The following ADAMTSL1 variants were observed in gnomAD, a reference collection of about 807,000 sequenced individuals.
The protein encoded by ADAMTSL1 is ADAMTS-like protein 1.
ADAMTSL1 carries 126 observed loss-of-function variants against 201.8 expected under a neutral mutation model. The observed-to-expected ratio is 0.62, with a 90% CI of 0.54 to 0.72. The LOEUF (loss-of-function observed/expected upper bound fraction) is 0.72. Ranked by LOEUF, ADAMTSL1 falls within the 30% of genes least tolerant of loss-of-function variation. ADAMTSL1 has a pLI of 0.00. For synonymous variants in ADAMTSL1, 1,121 were observed against 903.4 expected, an observed-to-expected ratio of 1.24 and a Z score of -4.32; for missense variants, 2,679 against 2,277.8, an observed-to-expected ratio of 1.18 and a Z score of -3.59.
At chr9:18,707,369 A>C (rs1204426489) in intron 14 of ADAMTSL1, among the ~76,000 whole-genome samples, 2 of 152,212 alleles carry the variant, frequency 1.3e-5, no homozygotes, top group East Asian at 3.9e-4. Flanking sequence ...CGTGCTCTCA[A>C]CATTGTTTTT....
In ADAMTSL1 at chr9:18,121,792, T is replaced by C. The variant is rs139559381; in HGVS notation, c.88-42070T>C. Reference sequence around the variant, plus strand: ...CATGCAAACAGAAATTCTGAAATTGTGGTGAGTTTCCTGGTGACCATTTCT... The same window carrying C: ...CATGCAAACAGAAATTCTGAAATTGCGGTGAGTTTCCTGGTGACCATTTCT... On this transcript the variant is annotated intron_variant, in intron 1 of 29. Transcript: ENST00000680146. 3.6e-3 allele frequency among the ~76,000 whole-genome samples: 542 copies of C among 152,302 alleles called. 4 individuals are homozygous for C. Among genetic ancestry groups the C allele is most frequent in the African/African-American group, 0.012 (517 of 41,582 alleles).
In ADAMTSL1 at chr9:18,753,370, C is replaced by A; in HGVS notation, c.2079C>A (p.Cys693Ter). 1 of 1,612,392 alleles carries A rather than the reference C, an allele frequency of 6.2e-7. No homozygotes were observed. Among genetic ancestry groups the A allele is most frequent in the South Asian group, 1.1e-5 (1 of 90,508 alleles). ...GCCTACAGACCAGAGACGTCTTCTG[C>A]AGCCACCTGCTTTCCAGAGAGATGA... ...GVGLQTRDVFCSHLLSREMNE... is the reference protein window; with the variant it reads ...GVGLQTRDVF The change falls in exon 16 of 29, where the codon TGC becomes TGA. Residue 693 changes from cysteine to a stop codon, truncating the protein, a stop_gained. Transcript: ENST00000380548. LOFTEE classifies it high-confidence loss of function.
At chr9:18,121,487 A>C (rs1825494463) in intron 1 of ADAMTSL1, among the ~76,000 whole-genome samples, 1 of 152,216 alleles carries the variant, frequency 6.6e-6, no homozygotes, top group Non-Finnish European at 1.5e-5. Flanking sequence ...TTATTAAACA[A>C]GCCATCGAAA....
intron 23 of ADAMTSL1, among the ~76,000 whole-genome samples, chr9:18,866,458 G>C (rs1286035471): frequency 6.6e-6 from 1 of 152,190 alleles, no homozygotes; most frequent in Non-Finnish European, 1.5e-5. Flanking sequence ...ACAGATTAGT[G>C]ACAGAAAAGG....
At chr9:18,854,013 T>G (rs568444569) in intron 23 of ADAMTSL1, among the ~76,000 whole-genome samples, 1 of 152,156 alleles carries the variant, frequency 6.6e-6, no homozygotes, top group African/African-American at 2.4e-5. Flanking sequence ...GTGGGGGGGT[T>G]GTAATCTTTC....
chr9:18,433,079 C>G (rs568196462), intron 2 of ADAMTSL1, among the ~76,000 whole-genome samples: 1 of 151,868 alleles, frequency 6.6e-6, no homozygotes, highest in Non-Finnish European at 1.5e-5. Flanking sequence ...CCAACAAAAC[C>G]TCCTGTTTGT....
At chr9:18,055,363 T>C (rs1195543888) in intron 1 of ADAMTSL1, among the ~76,000 whole-genome samples, 1 of 152,178 alleles carries the variant, frequency 6.6e-6, no homozygotes, top group Non-Finnish European at 1.5e-5. Context: ...TTCCTCCATG[T>C]GGTAAATGCT....
At chr9:17,906,670 C>T (rs925389348) in exon 1 of ADAMTSL1, 1 of 152,390 alleles carries the variant, frequency 6.6e-6, no homozygotes, top group South Asian at 2.1e-4. Context: ...CACTGAAGCT[C>T]CAAAGCCGCG....
intron 14 of ADAMTSL1, among the ~76,000 whole-genome samples, chr9:18,714,756 G>C (rs1832815446): frequency 6.6e-6 from 1 of 152,062 alleles, no homozygotes; most frequent in South Asian, 2.1e-4. Flanking sequence ...GATGAGGCCA[G>C]TATCATACTG....
At chr9:18,255,253 T>A (rs573331834) in intron 2 of ADAMTSL1, among the ~76,000 whole-genome samples, 1 of 152,216 alleles carries the variant, frequency 6.6e-6, no homozygotes, top group South Asian at 2.1e-4. Context: ...CAGAAACCAC[T>A]AGGGGGCGCT....
chr9:18,722,202 G>A (rs1222893980), intron 15 of ADAMTSL1, among the ~76,000 whole-genome samples: 1 of 152,162 alleles, frequency 6.6e-6, no homozygotes, highest in Non-Finnish European at 1.5e-5. Flanking sequence ...AGCCCTGCCT[G>A]GGTCTCATTA....
intron 2 of ADAMTSL1, among the ~76,000 whole-genome samples, chr9:18,182,738 T>G (rs865882645): frequency 6.6e-6 from 1 of 152,180 alleles, no homozygotes; most frequent in Non-Finnish European, 1.5e-5. Context: ...AATAATCTTA[T>G]GAGAAAACTG....
chr9:18,465,489 C>A (rs781349043), intron 2 of ADAMTSL1, among the ~76,000 whole-genome samples: 22 of 152,130 alleles, frequency 1.4e-4, no homozygotes, highest in Non-Finnish European at 2.8e-4. Flanking sequence ...GCCTTCACAT[C>A]ATCATTTCAG....
At chr9:17,970,994 T>G (rs1004188965) in intron 1 of ADAMTSL1, among the ~76,000 whole-genome samples, 3 of 152,060 alleles carry the variant, frequency 2.0e-5, no homozygotes, top group Non-Finnish European at 4.4e-5. Context: ...TCTATATACA[T>G]TTGCTGTGTA....
intron 2 of ADAMTSL1, among the ~76,000 whole-genome samples, chr9:18,281,761 G>T (rs576893461): frequency 1.6e-4 from 25 of 152,136 alleles, no homozygotes; most frequent in Non-Finnish European, 2.8e-4. Flanking sequence ...TCCACAGCAG[G>T]GTCTTCCTGT....
chr9:18,526,290 C>G (rs540831811), intron 2 of ADAMTSL1, among the ~76,000 whole-genome samples: 1 of 152,230 alleles, frequency 6.6e-6, no homozygotes, highest in Non-Finnish European at 1.5e-5. Flanking sequence ...CCATTTGCCG[C>G]GTAGATCTTC....
At position 18,795,407 on chromosome 9, in the gene ADAMTSL1, C is replaced by G. The variant is rs1822355319; in HGVS notation, c.3688C>G (p.Gln1230Glu). 6 of 1,613,860 alleles carry G rather than the reference C, an allele frequency of 3.7e-6. 1 individual carries two copies. The East Asian group carries it at 1.3e-4, about 36-fold the overall frequency. ...EVQFSDRILL[Q>E]PDDSLQILAP... ...TTTCTGTCGCTCCAGGATTCTTCTACAGCCAGATGATTCCTTACAGATCTT... is the reference window on the plus strand; with the variant it reads ...TTTCTGTCGCTCCAGGATTCTTCTAGAGCCAGATGATTCCTTACAGATCTT... The change falls in exon 20 of 29, where the codon CAG becomes GAG. Residue 1230 changes from glutamine (Q) to glutamate (E), a missense_variant. Gln to Glu is a conservative substitution (Grantham distance 29). Transcript: ENST00000380548.
intron 2 of ADAMTSL1, among the ~76,000 whole-genome samples, chr9:18,441,959 C>T (rs1026596049): frequency 3.2e-4 from 48 of 152,122 alleles, no homozygotes; most frequent in South Asian, 4.1e-4. Context: ...CAAATGAAAA[C>T]CCAAATCCAC....
intron 2 of ADAMTSL1, among the ~76,000 whole-genome samples, chr9:18,430,443 T>C (rs993119238): frequency 6.6e-6 from 1 of 152,212 alleles, no homozygotes; most frequent in Admixed American, 6.5e-5. Flanking sequence ...AACCTTCCTA[T>C]GGACTTGGAA....
Sources: allele counts gnomAD v4.1 joint callset (sites outside exome capture counted in the v4.1 genomes callset), GRCh38; gene constraint gnomAD v4.1.1; transcripts MANE v1.5; gene names NCBI Gene and HGNC (gene_info 2026-07-23, HGNC 2026-07-21).